The following CLYBL variants were observed in gnomAD, a reference collection of about 807,000 sequenced individuals.
CLYBL encodes citramalyl-CoA lyase, mitochondrial.
In CLYBL, 31 loss-of-function variants were observed where a neutral mutation model predicts 38.9. The observed-to-expected ratio is 0.80, with a 90% CI of 0.60 to 1.08. The LOEUF is 1.08. CLYBL is among the 50% of genes least tolerant of loss of function. CLYBL has a pLI of 0.00. For missense variants in CLYBL, 434 were observed against 411.6 expected (o/e 1.05, Z -0.47); for synonymous variants, 171 against 158.6 (o/e 1.08, Z -0.59).
intron 1 of CLYBL, among the ~76,000 whole-genome samples, chr13:99,633,122 A>T (rs767843824): frequency 1.5e-4 from 22 of 146,608 alleles, no homozygotes; most frequent in Non-Finnish European, 2.1e-4. Context: ...GAGACAGGAG[A>T]ATCTCTTGAA....
chr13:99,622,333 A>G (rs954531490), intron 1 of CLYBL, among the ~76,000 whole-genome samples: 1 of 152,168 alleles, frequency 6.6e-6, no homozygotes, highest in African/African-American at 2.4e-5. Flanking sequence ...ATCCACTGTT[A>G]TAGATTCAGG....
At chr13:99,696,917 T>C (rs2047988643) in intron 1 of CLYBL, among the ~76,000 whole-genome samples, 1 of 152,230 alleles carries the variant, frequency 6.6e-6, no homozygotes, top group South Asian at 2.1e-4. Flanking sequence ...TCTACAAATG[T>C]ACAGTTATGT....
rs1376660276 is a variant in CLYBL at position 99,707,462 on chromosome 13, C to T, written c.63-65362C>T. ...TTTTTTTGTGTGTCTTTAGTAGAGA[C>T]GGGATTTCACCGTGTTGGCCAGGCT... On this transcript the variant is annotated intron_variant, in intron 1 of 8. Coordinates refer to ENST00000339105, the MANE Select transcript of CLYBL (RefSeq NM_206808.5). Among the ~76,000 whole-genome samples, 4 of 151,976 alleles carry T rather than the reference C, an allele frequency of 2.6e-5. No homozygotes were observed. The East Asian group carries it at 7.7e-4, about 29-fold the overall frequency.
intron 1 of CLYBL, among the ~76,000 whole-genome samples, chr13:99,709,578 T>G (rs1483972073): frequency 6.6e-6 from 1 of 152,254 alleles, no homozygotes; most frequent in African/African-American, 2.4e-5. Context: ...AGAAGTTCCC[T>G]GGCTGTTTCA....
chr13:99,612,418 T>A (rs1181010280), intron 1 of CLYBL, among the ~76,000 whole-genome samples: 2 of 141,320 alleles, frequency 1.4e-5, no homozygotes, highest in East Asian at 4.8e-4. Context: ...GACAAGGTCT[T>A]GCTCTGTCAC....
chr13:99,701,643 G>T (rs1022515224), intron 1 of CLYBL, among the ~76,000 whole-genome samples: 8 of 151,786 alleles, frequency 5.3e-5, no homozygotes, highest in East Asian at 1.9e-4. Flanking sequence ...TTTAACAAAG[G>T]CTTGAGTATC....
intron 1 of CLYBL, among the ~76,000 whole-genome samples, chr13:99,619,495 T>G: frequency 6.6e-6 from 1 of 152,252 alleles, no homozygotes; most frequent in African/African-American, 2.4e-5. Context: ...TTTAGGAAAA[T>G]ATTTTTAGTT....
intron 1 of CLYBL, among the ~76,000 whole-genome samples, chr13:99,691,594 A>T (rs573614734): frequency 7.2e-5 from 11 of 151,940 alleles, no homozygotes; most frequent in Admixed American, 4.6e-4. Context: ...CCTAAAAAAA[A>T]AACCAAAAAA....
At chr13:99,729,341 A>C (rs996800189) in intron 1 of CLYBL, among the ~76,000 whole-genome samples, 3 of 152,186 alleles carry the variant, frequency 2.0e-5, no homozygotes, top group African/African-American at 4.8e-5. Context: ...GCAGCCCTTT[A>C]GATTGGGCTC....
intron 1 of CLYBL, among the ~76,000 whole-genome samples, chr13:99,765,284 C>T (rs779246317): frequency 6.6e-6 from 1 of 152,164 alleles, no homozygotes; most frequent in Non-Finnish European, 1.5e-5. Flanking sequence ...AACTGCCAGA[C>T]ACATTGGAGT....
intron 2 of CLYBL, among the ~76,000 whole-genome samples, chr13:99,823,027 A>G (rs987881569): frequency 6.6e-5 from 10 of 152,232 alleles, no homozygotes; most frequent in African/African-American, 2.4e-4. Flanking sequence ...ATCAACATTC[A>G]ATGTTACTTA....
rs867961446 is a variant in CLYBL at position 99,813,764 on chromosome 13, A to G, written c.249+40754A>G. Among the ~76,000 whole-genome samples, 8 of 152,298 alleles carry G rather than the reference A, an allele frequency of 5.3e-5. No individual in the cohort carries two copies. In the South Asian group the frequency reaches 1.5e-3, roughly 28 times the overall value. On this transcript the variant is annotated intron_variant, in intron 2 of 8. Coordinates refer to ENST00000339105, the MANE Select transcript of CLYBL (RefSeq NM_206808.5). ...CCTGACAGTAGTACTGTATATATAT[A>G]CTTATATATAAGTGCTCCATATGCC...
intron 2 of CLYBL, among the ~76,000 whole-genome samples, chr13:99,773,592 G>A (rs965866849): frequency 5.9e-5 from 9 of 152,106 alleles, no homozygotes; most frequent in African/African-American, 1.4e-4. Context: ...AAACCATTGC[G>A]CCGCCCCACC....
intron 1 of CLYBL, among the ~76,000 whole-genome samples, chr13:99,609,506 C>G (rs1040796571): frequency 6.6e-6 from 1 of 152,054 alleles, no homozygotes; most frequent in Non-Finnish European, 1.5e-5. Flanking sequence ...ATTGCTCCGT[C>G]TTCCAACTCA....
intron 1 of CLYBL, among the ~76,000 whole-genome samples, chr13:99,620,264 A>G (rs1456583730): frequency 6.6e-6 from 1 of 152,222 alleles, no homozygotes; most frequent in Non-Finnish European, 1.5e-5. Context: ...ATTTTGGCCT[A>G]CATTTCACCT....
intron 1 of CLYBL, among the ~76,000 whole-genome samples, chr13:99,616,255 G>C (rs1424671942): frequency 6.6e-6 from 1 of 151,152 alleles, no homozygotes. Flanking sequence ...GACATCCTGG[G>C]CACCAGTAGC....
rs554034649 is a variant in CLYBL at position 99,616,303 on chromosome 13, A to G, written c.62+9546A>G. Reference sequence around the variant, plus strand: ...GTCTCTAGTAGCTGGGACTGCAGGCATGTGCTACCACACCCAGCTGATTTT... The same window carrying G: ...GTCTCTAGTAGCTGGGACTGCAGGCGTGTGCTACCACACCCAGCTGATTTT... On this transcript the variant is annotated intron_variant, in intron 1 of 8. Transcript: ENST00000339105. 5.9e-5 allele frequency among the ~76,000 whole-genome samples: 9 copies of G among 152,218 alleles called. No individual in the cohort carries two copies. The East Asian group carries it at 1.7e-3, about 29-fold the overall frequency.
rs776385262 is a variant in CLYBL, at chr13:99,891,307, C to G, written c.928-11C>G. 9 of 1,597,070 alleles carry G rather than the reference C, an allele frequency of 5.6e-6. No individual in the cohort carries two copies. In the South Asian group the frequency reaches 8.8e-5, roughly 16 times the overall value. On this transcript the variant is annotated splice_polypyrimidine_tract_variant and intron_variant, in intron 7 of 8. Transcript: ENST00000339105. ...TATTCTTTCAGGAAGTTTGTATTCTCTGTTTTCCAGGGGGCCTTTACTTTC... is the reference window on the plus strand; with the variant it reads ...TATTCTTTCAGGAAGTTTGTATTCTGTGTTTTCCAGGGGGCCTTTACTTTC...
intron 1 of CLYBL, among the ~76,000 whole-genome samples, chr13:99,631,852 C>T (rs2046950979): frequency 6.6e-6 from 1 of 152,172 alleles, no homozygotes; most frequent in African/African-American, 2.4e-5. Flanking sequence ...CCACCCGCCT[C>T]AGCCTCCCAA....
Sources: gnomAD v4.1 joint callset for allele counts (sites outside exome capture counted in the v4.1 genomes callset) on GRCh38, gnomAD v4.1.1 for gene constraint, MANE v1.5 for transcripts, NCBI Gene and HGNC (gene_info 2026-07-23, HGNC 2026-07-21) for gene names.